CTNND2: variants seen among roughly 807,000 people sequenced by gnomAD.
CTNND2 encodes the protein catenin delta 2.
A neutral mutation model predicts 144.4 loss-of-function variants in CTNND2; 22 were observed. The ratio of observed to expected loss-of-function variants is 0.15; its 90% CI spans 0.11 to 0.22. The LOEUF is 0.22. Ranked by LOEUF, CTNND2 falls within the 10% of genes least tolerant of loss-of-function variation. CTNND2 has a pLI of 1.00. For missense variants in CTNND2, 1,353 were observed against 1,618.8 expected, an observed-to-expected ratio of 0.84 and a Z score of 2.82; for synonymous variants, 751 against 695.6, an observed-to-expected ratio of 1.08 and a Z score of -1.25.
intron 4 of CTNND2, 57 bp from the exon 5 acceptor site, chr5:11,411,709 T>G: frequency 9.3e-7 from 1 of 1,072,604 alleles, no homozygotes; most frequent in Admixed American, 2.1e-5. Context: ...TTCTTAAAGA[T>G]TTAGGTTATC....
chr5:11,527,121 GA>G (rs1192173262), intron 3 of CTNND2, among the ~76,000 whole-genome samples: 1 of 152,034 alleles, frequency 6.6e-6, no homozygotes, highest in East Asian at 1.9e-4. Context: ...TTTGGAAGAT[GA>G]AAAAATTCTG....
intron 13 of CTNND2, 77 bp from the exon 14 acceptor site, chr5:11,111,120 C>T (rs576304517): frequency 3.3e-5 from 48 of 1,450,740 alleles, no homozygotes; most frequent in East Asian, 1.2e-4. Context: ...CTGGAAAGGC[C>T]TCTTTCTCCA....
chr5:11,174,656 C>T lies in CTNND2; in HGVS notation c.1976-14897G>A, dbSNP rs182978586. ...GGTTGATTGAGGACAAATAAAAATG[C>T]GTTAGCCAGTTGATCATTATGGCAC... On this transcript the variant is annotated intron_variant, in intron 11 of 21. Transcript: ENST00000304623. Among the ~76,000 whole-genome samples, 8 of 152,216 alleles carry T rather than the reference C, an allele frequency of 5.3e-5. No individual in the cohort carries two copies. In the East Asian group the frequency reaches 5.8e-4, roughly 11 times the overall value.
chr5:10,996,036 A>G (rs1739305016), intron 18 of CTNND2, among the ~76,000 whole-genome samples: 1 of 152,108 alleles, frequency 6.6e-6, no homozygotes, highest in Non-Finnish European at 1.5e-5. Flanking sequence ...TTGGGTGGGG[A>G]GCGAGCTGAC....
chr5:11,390,593 G>A (rs955218238), intron 6 of CTNND2, among the ~76,000 whole-genome samples: 2 of 152,192 alleles, frequency 1.3e-5, no homozygotes, highest in Non-Finnish European at 2.9e-5. Flanking sequence ...CATGATTTAT[G>A]AGCGGTCCTG....
At chr5:11,543,046 C>G (rs543873859) in intron 3 of CTNND2, among the ~76,000 whole-genome samples, 42 of 152,300 alleles carry the variant, frequency 2.8e-4, no homozygotes, top group Non-Finnish European at 5.0e-4. Flanking sequence ...GAACAACAAA[C>G]GAGAGTACTG....
intron 15 of CTNND2, among the ~76,000 whole-genome samples, chr5:11,085,157 G>C (rs958149962): frequency 2.6e-5 from 4 of 152,168 alleles, no homozygotes; most frequent in Non-Finnish European, 5.9e-5. Flanking sequence ...GCTTTGCTGG[G>C]AATTGATTTG....
intron 12 of CTNND2, among the ~76,000 whole-genome samples, chr5:11,156,369 C>G (rs1469371064): frequency 6.6e-6 from 1 of 152,128 alleles, no homozygotes; most frequent in Non-Finnish European, 1.5e-5. Flanking sequence ...AGTCTGAATC[C>G]TGCTAGGAAG....
At chr5:11,456,773 T>A (rs1765773779) in intron 3 of CTNND2, among the ~76,000 whole-genome samples, 1 of 152,198 alleles carries the variant, frequency 6.6e-6, no homozygotes, top group Admixed American at 6.5e-5. Context: ...TGAATGCTGC[T>A]AAGTATAATT....
At chr5:11,208,810 CG>C (rs1238315936) in intron 10 of CTNND2, among the ~76,000 whole-genome samples, 14 of 152,022 alleles carry the variant, frequency 9.2e-5, no homozygotes, top group Admixed American at 2.0e-4. Flanking sequence ...AACTTAAAGT[CG>C]GGTGGAAAGA....
chr5:11,684,466 T>C (rs2162867), intron 2 of CTNND2, among the ~76,000 whole-genome samples: 40,166 of 152,144 alleles, frequency 0.26, 9,604 homozygotes, highest in African/African-American at 0.64. Context: ...TTAAAGGATA[T>C]TGTTTCATTG....
rs763230842 is a variant in CTNND2 at position 11,159,718 on chromosome 5, G to A, written c.2017C>T (p.Pro673Ser). The A allele has an allele frequency of 1.9e-5, 30 of 1,607,500 alleles. No individual in the cohort carries two copies. Among genetic ancestry groups the A allele is most frequent in the Non-Finnish European group, 2.5e-5 (29 of 1,177,078 alleles). Residue 673 changes from proline (P) to serine (S), a missense_variant, in exon 12 of 22, where the codon CCA becomes TCA. Physicochemically the swap from Pro to Ser is moderately conservative, Grantham distance 74. This residue lies in a region of CTNND2 where 117 missense variants were observed against 117.8 expected (regional missense o/e 0.99). Transcript: ENST00000304623. Reference sequence around the variant, plus strand: ...ACTGCTAGGGCATCCTGGATGATTGGCATTTTGAGTGCATCGCATGAGGAG... The same window carrying A: ...ACTGCTAGGGCATCCTGGATGATTGACATTTTGAGTGCATCGCATGAGGAG... ...NLSSCDALKMPIIQDALAVLT... is the reference protein window; with the variant it reads ...NLSSCDALKMSIIQDALAVLT...
intron 9 of CTNND2, among the ~76,000 whole-genome samples, chr5:11,333,262 TTTC>T (rs1753361959): frequency 1.3e-5 from 2 of 152,076 alleles, no homozygotes; most frequent in African/African-American, 2.4e-5. Flanking sequence ...TTTCTATTCT[TTTC>T]TTTTTTTTGT....
intron 3 of CTNND2, among the ~76,000 whole-genome samples, chr5:11,516,893 A>C (rs543896627): frequency 1.3e-5 from 2 of 152,194 alleles, no homozygotes; most frequent in Non-Finnish European, 2.9e-5. Context: ...AAAAGACTAA[A>C]TTTTGAGAAC....
At chr5:11,613,667 G>A (rs559621176) in intron 2 of CTNND2, among the ~76,000 whole-genome samples, 1 of 152,258 alleles carries the variant, frequency 6.6e-6, no homozygotes, top group South Asian at 2.1e-4. Flanking sequence ...AATGTAACTA[G>A]CCCATGGAAT....
chr5:11,744,628 T>C (rs930564167), intron 1 of CTNND2, among the ~76,000 whole-genome samples: 2 of 151,904 alleles, frequency 1.3e-5, no homozygotes, highest in South Asian at 4.2e-4. Context: ...AGAAGAAAAG[T>C]GGGGTCAGCA....
rs542541346 is a variant in CTNND2 at position 11,783,558 on chromosome 5, A to G, written c.38-51286T>C. On this transcript the variant is annotated intron_variant, in intron 1 of 21. Transcript: ENST00000304623. ...GTCCACTAGACCAGCTTGGTTTTTC[A>G]TAATGGTTTTTAGGTATAGAGCAGA... is the stretch of plus-strand genomic sequence containing the variant. Among the ~76,000 whole-genome samples, 14 of 152,222 alleles carry G rather than the reference A, an allele frequency of 9.2e-5. No individual in the cohort carries two copies. In the East Asian group the frequency reaches 2.0e-3, roughly 21 times the overall value.
intron 1 of CTNND2, among the ~76,000 whole-genome samples, chr5:11,882,788 AGAGTC>A (rs1432705355): frequency 6.6e-6 from 1 of 152,044 alleles, no homozygotes; most frequent in Non-Finnish European, 1.5e-5. Flanking sequence ...TTGGCTACTT[AGAGTC>A]TTTTGTGGTT....
At chr5:11,105,562 A>T (rs1752341759) in intron 14 of CTNND2, among the ~76,000 whole-genome samples, 1 of 152,196 alleles carries the variant, frequency 6.6e-6, no homozygotes, top group Non-Finnish European at 1.5e-5. Flanking sequence ...GACAGTATTG[A>T]TGGTGTGGAA....
Sources: gnomAD v4.1 joint callset for allele counts (sites outside exome capture counted in the v4.1 genomes callset) on GRCh38, gnomAD v4.1.1 for gene constraint, gnomAD v4.1.1 regional missense constraint, MANE v1.5 for transcripts, NCBI Gene and HGNC (gene_info 2026-07-23, HGNC 2026-07-21) for gene names.